The following RYR2 variants were observed in gnomAD, a reference collection of about 807,000 sequenced individuals.
RYR2 encodes the protein ryanodine receptor 2.
In RYR2, 227 loss-of-function variants were observed where a neutral mutation model predicts 601.1. That is an observed-to-expected ratio of 0.38 (90% CI 0.34 to 0.42). The LOEUF (loss-of-function observed/expected upper bound fraction) is 0.42. RYR2 is among the 10% of genes least tolerant of loss of function. RYR2 has a pLI of 1.00. For synonymous variants in RYR2, 2,223 were observed against 2,175.1 expected (o/e 1.02, Z -0.61); for missense variants, 4,646 against 6,156.5 (o/e 0.75, Z 8.21).
chr1:237,042,773 G>C (rs1008965537), intron 1 of RYR2, among the ~76,000 whole-genome samples: 17 of 152,136 alleles, frequency 1.1e-4, no homozygotes, highest in Non-Finnish European at 2.1e-4. Context: ...GCGTGTCTGT[G>C]CGCGCGTGTG....
chr1:237,555,378 G>A (rs966408107), intron 27 of RYR2, among the ~76,000 whole-genome samples: 3 of 152,080 alleles, frequency 2.0e-5, no homozygotes, highest in Admixed American at 6.5e-5. Context: ...CCTAGAGGAT[G>A]TAGGTAGCAG....
intron 47 of RYR2, among the ~76,000 whole-genome samples, chr1:237,641,858 G>GA (rs377524753): frequency 1.8e-3 from 271 of 152,252 alleles, no homozygotes; most frequent in Middle Eastern, 3.4e-3. Flanking sequence ...AGTATTTTCT[G>GA]AAACTTTTTG....
chr1:237,122,310 C>T (rs1183570909), intron 1 of RYR2, among the ~76,000 whole-genome samples: 2 of 152,312 alleles, frequency 1.3e-5, no homozygotes, highest in East Asian at 3.9e-4. Flanking sequence ...AACAGAAGTA[C>T]AATGTTTCCT....
chr1:237,066,928 C>T (rs1048048629), intron 1 of RYR2, among the ~76,000 whole-genome samples: 9 of 152,144 alleles, frequency 5.9e-5, no homozygotes, highest in Admixed American at 2.0e-4. Context: ...TGAGCCACCG[C>T]GCCCGGCATC....
At chr1:237,095,878 G>T (rs2148487787) in intron 1 of RYR2, among the ~76,000 whole-genome samples, 1 of 152,350 alleles carries the variant, frequency 6.6e-6, no homozygotes, top group Middle Eastern at 3.4e-3. Flanking sequence ...CGGGGAAGTG[G>T]ACTTGTGGTT....
chr1:237,204,839 G>A (rs1681617140), intron 1 of RYR2, among the ~76,000 whole-genome samples: 1 of 152,240 alleles, frequency 6.6e-6, no homozygotes, highest in African/African-American at 2.4e-5. Flanking sequence ...TTGGTGAGCT[G>A]TAGGGATGTG....
At chr1:237,764,032 CT>C (rs1693643584) in intron 84 of RYR2, among the ~76,000 whole-genome samples, 1 of 152,342 alleles carries the variant, frequency 6.6e-6, no homozygotes, top group African/African-American at 2.4e-5. Context: ...AGAAAATAAT[CT>C]GTTGTACCTG....
intron 17 of RYR2, among the ~76,000 whole-genome samples, chr1:237,490,208 A>G (rs190413126): frequency 6.6e-6 from 1 of 151,316 alleles, no homozygotes; most frequent in East Asian, 1.9e-4. Flanking sequence ...ACAAGGGTTG[A>G]AAAATTACCT....
In RYR2 at chr1:237,674,787, G is replaced by A; in HGVS notation, c.8771G>A (p.Ser2924Asn). ...TPSIEKRFAY[S>N]FLQQLIRYVD... ...TCTATTGAGAAACGATTTGCCTATAGTTTCCTCCAACAACTCATTCGCTAT... is the reference window on the plus strand; with the variant it reads ...TCTATTGAGAAACGATTTGCCTATAATTTCCTCCAACAACTCATTCGCTAT... The change falls in exon 60 of 105, where the codon AGT becomes AAT. Residue 2924 changes from serine (S) to asparagine (N), a missense_variant. Transcript: ENST00000366574. 1.2e-6 allele frequency: 2 copies of A among 1,612,706 alleles called. No individual in the cohort carries two copies. Among genetic ancestry groups the A allele is most frequent in the South Asian group, 2.2e-5 (2 of 90,974 alleles).
Position 237,506,718 on chromosome 1 carries a change from G to T in RYR2, c.2622G>T (p.Leu874Phe). ...PIPVDTSQIV[L>F]PPHLERIREK... ...CTTTTTGTAAATTTTAGATCGTGTT[G>T]CCTCCTCATCTAGAAAGAATAAGAG... Residue 874 changes from leucine to phenylalanine, a missense_variant, in exon 23 of 105, where the codon TTG (leucine) becomes TTT (phenylalanine). Leu to Phe is a conservative substitution (Grantham distance 22). Around this residue, in one of 17 missense-constraint regions of RYR2, gnomAD observed 1,807 missense variants for 2,088.1 expected, o/e 0.87. Coordinates refer to ENST00000366574, the MANE Select transcript of RYR2 (RefSeq NM_001035.3). 6.2e-7 allele frequency: 1 copy of T among 1,611,070 alleles called. No individual in the cohort carries two copies. Among genetic ancestry groups the T allele is most frequent in the Non-Finnish European group, 8.5e-7 (1 of 1,178,710 alleles).
At chr1:237,684,655 G>A (rs1277181931) in intron 62 of RYR2, among the ~76,000 whole-genome samples, 4 of 152,132 alleles carry the variant, frequency 2.6e-5, no homozygotes, top group Admixed American at 2.6e-4. Flanking sequence ...ATTTATCGGA[G>A]TATAAGGTAC....
intron 16 of RYR2, among the ~76,000 whole-genome samples, chr1:237,465,090 G>GCACACACACACACA (rs10610645): frequency 6.7e-6 from 1 of 150,120 alleles, no homozygotes; most frequent in African/African-American, 2.5e-5. Context: ...ACACACACAT[G>GCACACACACACACA]CACACACACA....
intron 24 of RYR2, among the ~76,000 whole-genome samples, chr1:237,524,789 T>C (rs1667410643): frequency 6.6e-6 from 1 of 151,414 alleles, no homozygotes; most frequent in South Asian, 2.1e-4. Flanking sequence ...GGCAGGGTGC[T>C]GGCAAAATTC....
At chr1:237,324,646 T>C (rs917400282) in intron 2 of RYR2, among the ~76,000 whole-genome samples, 1 of 152,204 alleles carries the variant, frequency 6.6e-6, no homozygotes, top group Non-Finnish European at 1.5e-5. Flanking sequence ...TTTCGATCTC[T>C]TTGAAGTCGG....
intron 1 of RYR2, among the ~76,000 whole-genome samples, chr1:237,065,968 G>A (rs1475690668): frequency 3.3e-5 from 5 of 152,142 alleles, no homozygotes; most frequent in Non-Finnish European, 7.3e-5. Context: ...GAGTAGCACC[G>A]AGGGGGAAAT....
intron 35 of RYR2, among the ~76,000 whole-genome samples, chr1:237,609,340 A>G (rs1482191416): frequency 2.3e-5 from 1 of 43,792 alleles, no homozygotes; most frequent in Non-Finnish European, 4.6e-5. Flanking sequence ...CCCTCCCTCC[A>G]TCCCTCCCTC....
intron 27 of RYR2, among the ~76,000 whole-genome samples, chr1:237,559,945 C>G (rs1671286822): frequency 6.6e-6 from 1 of 152,202 alleles, no homozygotes; most frequent in African/African-American, 2.4e-5. Context: ...AGGACAGAGA[C>G]TTCTTTAAAT....
intron 8 of RYR2, among the ~76,000 whole-genome samples, chr1:237,384,932 C>T (rs547320638): frequency 6.6e-6 from 1 of 152,224 alleles, no homozygotes; most frequent in African/African-American, 2.4e-5. Context: ...TCTTTTCGCC[C>T]AGGCTGCAGT....
rs1395599775 is a variant in RYR2, at chr1:237,833,354, C to G, written c.*707C>G. 3.2e-5 allele frequency: 4 copies of G among 125,670 alleles called. No homozygotes were observed. The highest frequency in any genetic ancestry group is 1.6e-4 in the Admixed American group (2 of 12,180). The allele number at this position is 125,670 out of a possible 1,614,324, so 7.8% of individuals were successfully genotyped here. On this transcript the variant is annotated 3_prime_UTR_variant, in exon 105 of 105. Transcript: ENST00000366574. ...TCATTCAGCTAAATTCACATTTGCC[C>G]CCCCCCCCCGCCCCCGCCCCCATAT...
Sources: gnomAD v4.1 joint callset for allele counts (sites outside exome capture counted in the v4.1 genomes callset) on GRCh38, gnomAD v4.1.1 for gene constraint, gnomAD v4.1.1 regional missense constraint, MANE v1.5 for transcripts, NCBI Gene and HGNC (gene_info 2026-07-23, HGNC 2026-07-21) for gene names.